RANBP3L: variants seen among roughly 807,000 people sequenced by gnomAD.
RANBP3L encodes the protein ran-binding protein 3-like.
Under a neutral mutation model 67.2 loss-of-function variants are expected in RANBP3L, and 56 were observed. That is an observed-to-expected ratio of 0.83 (90% confidence interval 0.67 to 1.04). The LOEUF (loss-of-function observed/expected upper bound fraction) is 1.04, where lower values mean the gene tolerates loss of function less well. Ranked by LOEUF, RANBP3L falls within the 50% of genes least tolerant of loss-of-function variation. The pLI, the probability that RANBP3L is intolerant of heterozygous loss-of-function variation, is 0.00. For synonymous variants in RANBP3L, 164 were observed against 181.4 expected (o/e 0.90, Z 0.77); for missense variants, 496 against 535.5 (o/e 0.93, Z 0.73).
At chr5:36,270,717 C>T (rs972489019) in intron 2 of RANBP3L, among the ~76,000 whole-genome samples, 1 of 152,126 alleles carries the variant, frequency 6.6e-6, no homozygotes, top group South Asian at 2.1e-4. Flanking sequence ...AGGCTGGCCT[C>T]GAACCCCAGG....
chr5:36,277,422 C>CTCTCTATATATATATA (rs377029015), intron 1 of RANBP3L, among the ~76,000 whole-genome samples: 1 of 115,262 alleles, frequency 8.7e-6, no homozygotes, highest in African/African-American at 3.4e-5. Context: ...CTCTCTCTCT[C>CTCTCTATATATATATA]TATATATATA....
chr5:36,269,873 C>T, intron 3 of RANBP3L, 78 bp downstream of exon 3: 2 of 1,160,280 alleles, frequency 1.7e-6, no homozygotes, highest in South Asian at 1.2e-5. Flanking sequence ...ATAGTCTGTG[C>T]CACATGCCAA....
chr5:36,270,651 T>C (rs1750139554), intron 2 of RANBP3L, among the ~76,000 whole-genome samples: 1 of 152,134 alleles, frequency 6.6e-6, no homozygotes, highest in South Asian at 2.1e-4. Flanking sequence ...CATGCCACCA[T>C]GCCTGACTAA....
In RANBP3L at chr5:36,301,659, C is replaced by T. The variant is rs1752625614; in HGVS notation, c.-243G>A. On this transcript the variant is annotated 5_prime_UTR_variant, in exon 1 of 14. Coordinates refer to ENST00000296604, the MANE Select transcript of RANBP3L (RefSeq NM_145000.5). ...AGATGCCAATTCATTTGGTTAAAAA[C>T]ACAACTTAATTCCTTCATTTCAAAA... is the stretch of plus-strand genomic sequence containing the variant. 1 of 426,970 alleles carries T rather than the reference C, an allele frequency of 2.3e-6. No homozygotes were observed. Among genetic ancestry groups the T allele is most frequent in the South Asian group, 5.4e-5 (1 of 18,596 alleles). 26.4% of individuals were successfully genotyped at this position (426,970 alleles called of 1,614,324 possible).
chr5:36,260,551 G>A (rs1579690770), intron 8 of RANBP3L, among the ~76,000 whole-genome samples: 1 of 152,130 alleles, frequency 6.6e-6, no homozygotes, highest in Middle Eastern at 3.4e-3. Flanking sequence ...TTTCACATCA[G>A]TAATAATGTT....
intron 1 of RANBP3L, among the ~76,000 whole-genome samples, chr5:36,278,997 G>C (rs2111989173): frequency 6.6e-6 from 1 of 152,134 alleles, no homozygotes; most frequent in African/African-American, 2.4e-5. Flanking sequence ...AAAAACATTG[G>C]CCATAGCTCT....
chr5:36,253,261 C>T (rs1433579665), intron 12 of RANBP3L, among the ~76,000 whole-genome samples: 1 of 152,018 alleles, frequency 6.6e-6, no homozygotes, highest in African/African-American at 2.4e-5. Context: ...TTCCAGTGAC[C>T]TAAAGGCTTT....
At chr5:36,276,730 A>T (rs889943787) in intron 1 of RANBP3L, among the ~76,000 whole-genome samples, 1 of 152,112 alleles carries the variant, frequency 6.6e-6, no homozygotes, top group Admixed American at 6.6e-5. Flanking sequence ...AAGTAACTGG[A>T]GGATTTTTTT....
rs1748397777 is a variant in RANBP3L, at chr5:36,248,369, CATA to C, written c.*1282_*1284del. The C allele has an allele frequency of 6.7e-6, 1 of 149,650 alleles. No homozygotes were observed. Among genetic ancestry groups the C allele is most frequent in the Non-Finnish European group, 1.5e-5 (1 of 66,322 alleles). The allele number at this position is 149,650 out of a possible 1,614,324, so 9.3% of individuals were successfully genotyped here. On this transcript the variant is annotated 3_prime_UTR_variant, in exon 14 of 14. Coordinates refer to ENST00000296604, the MANE Select transcript of RANBP3L (RefSeq NM_145000.5). ...GAAGGACAAAATGTTGAACAATTGTCATAATCATAATCTGAAAGACTTAATTTA... is the reference window on the plus strand; with the variant it reads ...GAAGGACAAAATGTTGAACAATTGTCATCATAATCTGAAAGACTTAATTTA...
rs546587843 is a variant in RANBP3L, at chr5:36,285,793, TTGAGATTTAGCATCA to T, written c.92-14497_92-14483del. 7.8e-3 allele frequency among the ~76,000 whole-genome samples: 1,186 copies of T among 152,292 alleles called. 15 individuals carry two copies. Among genetic ancestry groups the T allele is most frequent in the African/African-American group, 0.027 (1,104 of 41,558 alleles). On this transcript the variant is annotated intron_variant, in intron 1 of 13. Transcript: ENST00000296604. Reference sequence around the variant, plus strand: ...TCCTTCTCAATCAATATCCGAGCCTTTGAGATTTAGCATCATCAACATCAGAAATGAATTTTCATT... The same window carrying T: ...TCCTTCTCAATCAATATCCGAGCCTTTCAACATCAGAAATGAATTTTCATT...
chr5:36,272,524 GT>G (rs1299464170), intron 1 of RANBP3L, among the ~76,000 whole-genome samples: 1 of 152,168 alleles, frequency 6.6e-6, no homozygotes, highest in Non-Finnish European at 1.5e-5. Context: ...TCTCATAAGA[GT>G]TTCATAATGT....
At chr5:36,252,195 G>A (rs1748641829) in intron 12 of RANBP3L, among the ~76,000 whole-genome samples, 1 of 151,980 alleles carries the variant, frequency 6.6e-6, no homozygotes, top group African/African-American at 2.4e-5. Context: ...AGGAAATTAT[G>A]GCTCAGAAGG....
chr5:36,280,751 A>G (rs1256870043), intron 1 of RANBP3L, among the ~76,000 whole-genome samples: 4 of 152,128 alleles, frequency 2.6e-5, no homozygotes, highest in African/African-American at 9.7e-5. Flanking sequence ...ATCTTTTTCA[A>G]TGACTATCAC....
At position 36,247,476 on chromosome 5, in the gene RANBP3L, G is replaced by A. The variant is rs1748356118; in HGVS notation, c.*2178C>T. Reference sequence around the variant, plus strand: ...TAGTTAATTTTTTCCATTGATATATGCGGAGAAATCTAAAGAAAATCATAG... The same window carrying A: ...TAGTTAATTTTTTCCATTGATATATACGGAGAAATCTAAAGAAAATCATAG... On this transcript the variant is annotated 3_prime_UTR_variant, in exon 14 of 14. Transcript: ENST00000296604. 2.0e-5 allele frequency among the ~76,000 whole-genome samples: 3 copies of A among 152,180 alleles called. No homozygotes were observed. The South Asian group carries it at 6.2e-4, about 31-fold the overall frequency.
intron 10 of RANBP3L, 68 bp downstream of exon 10, chr5:36,256,873 T>C (rs773642311): frequency 1.4e-6 from 2 of 1,414,732 alleles, no homozygotes; most frequent in African/African-American, 1.4e-5. Flanking sequence ...TAAAGATGCC[T>C]CTTCTCATGT....
chr5:36,249,552 C>G lies in RANBP3L; in HGVS notation c.*102G>C, dbSNP rs528060712. On this transcript the variant is annotated 3_prime_UTR_variant, in exon 14 of 14. Transcript: ENST00000296604. ...TTTCTTAAACTTTTCTATAAAAACT[C>G]TTCAAGGAATGAATAGAATCTTCTC... is the stretch of plus-strand genomic sequence containing the variant. The G allele has an allele frequency of 2.7e-4, 144 of 529,614 alleles. 1 individual carries two copies. Among genetic ancestry groups the G allele is most frequent in the Non-Finnish European group, 4.4e-4 (129 of 294,782 alleles). The allele number at this position is 529,614 out of a possible 1,614,324, so 32.8% of individuals were successfully genotyped here.
rs1364306612 is a variant in RANBP3L at position 36,292,079 on chromosome 5, G to T, written c.91+9247C>A. Among the ~76,000 whole-genome samples, 125 of 147,062 alleles carry T rather than the reference G, an allele frequency of 8.5e-4. No individual in the cohort carries two copies. In the South Asian group the frequency reaches 0.015, roughly 17 times the overall value. The stretch of plus-strand genomic sequence containing the variant: ...CAGCACCTGTTGTTTCCTGACTTTT[G>T]AATGATTGCCATTCTAACTGGTGTG... On this transcript the variant is annotated intron_variant, in intron 1 of 13. Transcript: ENST00000296604.
chr5:36,285,045 G>A (rs1751229097), intron 1 of RANBP3L, among the ~76,000 whole-genome samples: 1 of 152,164 alleles, frequency 6.6e-6, no homozygotes, highest in Admixed American at 6.5e-5. Context: ...TACAAGCTTG[G>A]CTGAAGACCC....
intron 6 of RANBP3L, 132 bp downstream of exon 6, chr5:36,264,827 G>C: frequency 1.3e-6 from 1 of 740,906 alleles, no homozygotes; most frequent in East Asian, 2.5e-5. Flanking sequence ...TTTACCAAGG[G>C]CTTTATGCTA....
Sources: allele counts gnomAD v4.1 joint callset (sites outside exome capture counted in the v4.1 genomes callset), GRCh38; gene constraint gnomAD v4.1.1; transcripts MANE v1.5; gene names NCBI Gene and HGNC (gene_info 2026-07-23, HGNC 2026-07-21).